The following DLG2 variants were observed in gnomAD, a reference collection of about 807,000 sequenced individuals.
DLG2 encodes disks large homolog 2.
In DLG2, 45 loss-of-function variants were observed where a neutral mutation model predicts 132.5. The ratio of observed to expected loss-of-function variants is 0.34; its 90% CI spans 0.27 to 0.44. DLG2 has a LOEUF of 0.44. Among genes scored for constraint, DLG2 ranks in the 20% least tolerant of loss-of-function variants. The probability of loss-of-function intolerance (pLI) is 1.00; values close to 1 mark genes in which losing one functional copy is unlikely to be tolerated. For missense variants in DLG2, 1,045 were observed against 1,196.9 expected (o/e 0.87, Z 1.87); for synonymous variants, 424 against 419.6 (o/e 1.01, Z -0.13).
chr11:85,508,019 C>A (rs892485390), intron 3 of DLG2, among the ~76,000 whole-genome samples: 1 of 152,102 alleles, frequency 6.6e-6, no homozygotes, highest in South Asian at 2.1e-4. Context: ...CTTGTGCATG[C>A]ATCATGTAGT....
intron 6 of DLG2, among the ~76,000 whole-genome samples, chr11:84,621,215 T>C (rs777742499): frequency 6.6e-6 from 1 of 152,148 alleles, no homozygotes. Flanking sequence ...TTTCCACTCA[T>C]ATATTTTAGT....
rs184506512 is a variant in DLG2 at position 85,040,350 on chromosome 11, G to A, written c.357+71311C>T. Among the ~76,000 whole-genome samples, 30 of 151,996 alleles carry A rather than the reference G, an allele frequency of 2.0e-4. No homozygotes were observed. The South Asian group carries it at 4.2e-3, about 21-fold the overall frequency. On this transcript the variant is annotated intron_variant, in intron 6 of 27. Coordinates refer to ENST00000376104, the MANE Select transcript of DLG2 (RefSeq NM_001142699.3). The stretch of plus-strand genomic sequence containing the variant: ...TACTTCTTTAGTTACCCACTGTACC[G>A]TGTAATGTTATGTTATGCTTACCAC...
At chr11:84,457,834 A>T (rs1441157258) in intron 7 of DLG2, among the ~76,000 whole-genome samples, 1 of 150,956 alleles carries the variant, frequency 6.6e-6, no homozygotes, top group African/African-American at 2.4e-5. Context: ...ATAAATACCA[A>T]TTTTTACATT....
In DLG2 at chr11:84,743,714, A is replaced by G. The variant is rs186847646; in HGVS notation, c.358-208983T>C. 4.6e-3 allele frequency among the ~76,000 whole-genome samples: 701 copies of G among 152,040 alleles called. 2 individuals carry two copies. The highest frequency in any genetic ancestry group is 7.7e-3 in the Non-Finnish European group (524 of 67,998). On this transcript the variant is annotated intron_variant, in intron 6 of 27. Transcript: ENST00000376104. ...CAAGTAGAGAATGACATGCGCCAAGAAAGTCTAACATACTGAAGGAAAGAG... is the reference window on the plus strand; with the variant it reads ...CAAGTAGAGAATGACATGCGCCAAGGAAGTCTAACATACTGAAGGAAAGAG...
At chr11:84,725,182 T>C (rs1051208954) in intron 6 of DLG2, among the ~76,000 whole-genome samples, 2 of 152,136 alleles carry the variant, frequency 1.3e-5, no homozygotes, top group Non-Finnish European at 2.9e-5. Flanking sequence ...TCTTAACAAA[T>C]AGACTATCCC....
At chr11:85,155,754 C>T (rs2077546224) in intron 4 of DLG2, among the ~76,000 whole-genome samples, 1 of 151,744 alleles carries the variant, frequency 6.6e-6, no homozygotes, top group African/African-American at 2.4e-5. Flanking sequence ...CCTGTAATCC[C>T]AGCTACTTGA....
At chr11:84,358,695 C>T (rs573495537) in intron 7 of DLG2, among the ~76,000 whole-genome samples, 1 of 151,922 alleles carries the variant, frequency 6.6e-6, no homozygotes, top group East Asian at 1.9e-4. Flanking sequence ...ATGTTCTGTT[C>T]CAGCTCCCAC....
chr11:85,575,341 G>A (rs1346535052), intron 3 of DLG2, among the ~76,000 whole-genome samples: 1 of 151,676 alleles, frequency 6.6e-6, no homozygotes, highest in African/African-American at 2.4e-5. Context: ...TTGGACACTA[G>A]CCTGGGCAAC....
intron 6 of DLG2, among the ~76,000 whole-genome samples, chr11:84,872,294 C>G (rs112120268): frequency 6.6e-6 from 1 of 152,200 alleles, no homozygotes; most frequent in African/African-American, 2.4e-5. Context: ...TGAAAACTAA[C>G]TAGCCAATTA....
chr11:84,557,625 T>G (rs1238925826), intron 6 of DLG2, among the ~76,000 whole-genome samples: 4 of 152,152 alleles, frequency 2.6e-5, no homozygotes, highest in African/African-American at 9.7e-5. Flanking sequence ...TTTTAATTTT[T>G]TACAGTATGT....
At chr11:85,191,463 C>T (rs910523241) in intron 4 of DLG2, among the ~76,000 whole-genome samples, 1 of 152,050 alleles carries the variant, frequency 6.6e-6, no homozygotes, top group African/African-American at 2.4e-5. Context: ...AACTCAAGAT[C>T]TATGGAATGC....
intron 6 of DLG2, among the ~76,000 whole-genome samples, chr11:84,878,851 A>T (rs1311906265): frequency 6.6e-6 from 1 of 152,168 alleles, no homozygotes; most frequent in Non-Finnish European, 1.5e-5. Flanking sequence ...CCATTGACTT[A>T]CTATTTTTTG....
chr11:85,295,915 G>C (rs78306493), intron 3 of DLG2, among the ~76,000 whole-genome samples: 2,281 of 152,178 alleles, frequency 0.015, 27 homozygotes, highest in Non-Finnish European at 0.023. Context: ...TGAATGCCAA[G>C]GGAGACAAGA....
chr11:84,452,512 A>G (rs6592183), intron 7 of DLG2, among the ~76,000 whole-genome samples: 43,055 of 151,648 alleles, frequency 0.28, 11,052 homozygotes, highest in African/African-American at 0.7. Context: ...GAATTATTAC[A>G]GTTATCAAAT....
chr11:83,483,150 T>G lies in DLG2; in HGVS notation c.2293+979A>C, dbSNP rs1376999404. ...GGTAACAAATAAAACTCGTATCTTG[T>G]GCATGCTAGGAGTGAAAGGCCCTCA... On this transcript the variant is annotated intron_variant, in intron 22 of 27. Coordinates refer to ENST00000376104, the MANE Select transcript of DLG2 (RefSeq NM_001142699.3). 1.2e-5 allele frequency: 11 copies of G among 888,726 alleles called. No homozygotes were observed. The Admixed American group carries it at 2.1e-4, about 17-fold the overall frequency. 55.1% of individuals were successfully genotyped at this position (888,726 alleles called of 1,614,324 possible).
intron 24 of DLG2, among the ~76,000 whole-genome samples, chr11:83,470,898 T>C (rs1017685624): frequency 2.6e-5 from 4 of 152,106 alleles, no homozygotes; most frequent in African/African-American, 7.2e-5. Flanking sequence ...TAAAATTTCC[T>C]GATGGACCTG....
At chr11:85,129,448 A>T (rs1282499325) in intron 5 of DLG2, among the ~76,000 whole-genome samples, 2 of 152,184 alleles carry the variant, frequency 1.3e-5, no homozygotes, top group Non-Finnish European at 2.9e-5. Flanking sequence ...CCTTCCCTTT[A>T]TATGTAGAAA....
chr11:84,841,174 C>A (rs528578861), intron 6 of DLG2, among the ~76,000 whole-genome samples: 6 of 151,690 alleles, frequency 4.0e-5, no homozygotes, highest in African/African-American at 1.5e-4. Context: ...ATATATGTTC[C>A]GTTATATAAG....
At chr11:84,301,711 G>A (rs1045327204) in intron 7 of DLG2, among the ~76,000 whole-genome samples, 8 of 149,682 alleles carry the variant, frequency 5.3e-5, no homozygotes, top group Non-Finnish European at 8.9e-5. Flanking sequence ...AGGATGTGGA[G>A]AAATAGGAAC....
Sources: gnomAD v4.1 joint callset for allele counts (sites outside exome capture counted in the v4.1 genomes callset) on GRCh38, gnomAD v4.1.1 for gene constraint, MANE v1.5 for transcripts, NCBI Gene and HGNC (gene_info 2026-07-23, HGNC 2026-07-21) for gene names.